Variants in CDH13 observed in about 807,000 individuals in gnomAD.
CDH13 encodes the protein cadherin 13.
A neutral mutation model predicts 63.8 loss-of-function variants in CDH13; 24 were observed. That is an observed-to-expected ratio of 0.38 (90% confidence interval 0.27 to 0.53). CDH13 has a LOEUF of 0.53. CDH13 is among the 20% of genes least tolerant of loss of function. CDH13 has a pLI of 0.85. For synonymous variants in CDH13, 503 were observed against 355.3 expected, an observed-to-expected ratio of 1.42 and a Z score of -4.67; for missense variants, 1,049 against 903.1, an observed-to-expected ratio of 1.16 and a Z score of -2.07.
At chr16:83,661,533 C>T (rs987895071) in intron 8 of CDH13, among the ~76,000 whole-genome samples, 1 of 152,120 alleles carries the variant, frequency 6.6e-6, no homozygotes, top group Non-Finnish European at 1.5e-5. Flanking sequence ...TAAGAACCAC[C>T]GTTCCACTGC....
intron 4 of CDH13, among the ~76,000 whole-genome samples, chr16:83,189,383 C>G (rs774520306): frequency 6.6e-6 from 1 of 152,218 alleles, no homozygotes; most frequent in Non-Finnish European, 1.5e-5. Context: ...ATTACCTCCT[C>G]ATGCTATTCT....
chr16:83,150,386 G>T (rs943885183), intron 4 of CDH13, among the ~76,000 whole-genome samples: 1 of 151,968 alleles, frequency 6.6e-6, no homozygotes, highest in Non-Finnish European at 1.5e-5. Context: ...TCTCTCCCTT[G>T]CTATCATTAT....
At chr16:83,690,434 T>A (rs553481151) in intron 10 of CDH13, among the ~76,000 whole-genome samples, 1 of 151,964 alleles carries the variant, frequency 6.6e-6, no homozygotes, top group East Asian at 1.9e-4. Context: ...GAGGTCCAGG[T>A]AGAGGAAGCA....
intron 6 of CDH13, among the ~76,000 whole-genome samples, chr16:83,469,693 C>T (rs1210837121): frequency 6.6e-6 from 1 of 152,134 alleles, no homozygotes; most frequent in Non-Finnish European, 1.5e-5. Flanking sequence ...GTCTGGCATC[C>T]ACAGCACTAG....
At chr16:83,621,942 G>C (rs1344585207) in intron 8 of CDH13, among the ~76,000 whole-genome samples, 1 of 152,116 alleles carries the variant, frequency 6.6e-6, no homozygotes, top group Non-Finnish European at 1.5e-5. Flanking sequence ...AAGGGTTGGA[G>C]GGCTTCTTTC....
intron 3 of CDH13, among the ~76,000 whole-genome samples, chr16:83,104,014 T>A (rs2034642516): frequency 6.6e-6 from 1 of 152,154 alleles, no homozygotes; most frequent in Non-Finnish European, 1.5e-5. Context: ...TTTTTCAGAG[T>A]TTCATTATAA....
chr16:82,717,461 C>T (rs2032456217), intron 1 of CDH13, among the ~76,000 whole-genome samples: 1 of 151,268 alleles, frequency 6.6e-6, no homozygotes, highest in Non-Finnish European at 1.5e-5. Flanking sequence ...AAAAGAGCCC[C>T]CCCACTCATC....
chr16:82,999,912 T>G (rs1247575070), intron 2 of CDH13, among the ~76,000 whole-genome samples: 1 of 152,140 alleles, frequency 6.6e-6, no homozygotes, highest in Non-Finnish European at 1.5e-5. Flanking sequence ...TGAGGGCATT[T>G]GGCAGTGTCT....
chr16:83,598,294 A>T (rs1376538022), intron 7 of CDH13, among the ~76,000 whole-genome samples: 1 of 152,116 alleles, frequency 6.6e-6, no homozygotes, highest in African/African-American at 2.4e-5. Context: ...GAGCCAGGAA[A>T]ATAGAGGCTG....
At chr16:83,092,594 TTTC>T (rs796878570) in intron 3 of CDH13, among the ~76,000 whole-genome samples, 119 of 152,354 alleles carry the variant, frequency 7.8e-4, no homozygotes, top group African/African-American at 2.8e-3. Flanking sequence ...ACTTTTTTCC[TTTC>T]TTCTTCTTTT....
chr16:82,844,708 C>T (rs1411032495), intron 1 of CDH13: 10 of 138,498 alleles, frequency 7.2e-5, no homozygotes, highest in African/African-American at 2.2e-4. Context: ...GATGCTATCT[C>T]GGCTCACTGT....
intron 1 of CDH13, among the ~76,000 whole-genome samples, chr16:82,699,526 ATGCGTGTCATAACTC>A (rs1567640464): frequency 6.6e-6 from 1 of 152,156 alleles, no homozygotes; most frequent in Non-Finnish European, 1.5e-5. Flanking sequence ...GCCACCCTTA[ATGCGTGTCATAACTC>A]TGCCTTCCAG....
In CDH13 at chr16:83,602,465, T is replaced by C. The variant is rs1907941729; in HGVS notation, c.972T>C (p.Asn324=). Residue 324 remains asparagine, a synonymous_variant, in exon 8 of 14, where the codon AAT becomes AAC. Coordinates refer to ENST00000567109, the MANE Select transcript of CDH13 (RefSeq NM_001257.5). ...CTTGTGCTTTGTAGACTCTGGAAAA[T>C]CCCAAGTATGAACTGATCATCGAGG... The part of the protein sequence containing the change: ...PALLDRETLE[N]PKYELIIEAQ... 1 of 1,613,826 alleles carries C rather than the reference T, an allele frequency of 6.2e-7. No homozygotes were observed. Among genetic ancestry groups the C allele is most frequent in the Non-Finnish European group, 8.5e-7 (1 of 1,179,874 alleles).
rs952195533 is a variant in CDH13, at chr16:82,661,190, A to G, written c.45+34053A>G. Among the ~76,000 whole-genome samples the G allele has an allele frequency of 1.3e-5, 2 of 152,134 alleles. 1 individual carries two copies. The highest frequency in any genetic ancestry group is 2.9e-5 in the Non-Finnish European group (2 of 68,022). On this transcript the variant is annotated intron_variant, in intron 1 of 13. Transcript: ENST00000567109. ...AACGGCTCATTGTTTACGCTGACCT[A>G]GTGAGGTTGGCTTCAAGCTCTCCCC...
chr16:82,984,864 A>G (rs905548221), intron 2 of CDH13, among the ~76,000 whole-genome samples: 1 of 152,120 alleles, frequency 6.6e-6, no homozygotes, highest in African/African-American at 2.4e-5. Flanking sequence ...CTCCATAACT[A>G]TTAGCTAATG....
chr16:83,128,759 C>A (rs2035918381), intron 4 of CDH13, among the ~76,000 whole-genome samples: 1 of 152,172 alleles, frequency 6.6e-6, no homozygotes, highest in African/African-American at 2.4e-5. Flanking sequence ...CATTCTTCTG[C>A]ATTGTTTTTT....
chr16:83,606,268 T>G (rs796712432), intron 8 of CDH13, among the ~76,000 whole-genome samples: 9 of 152,310 alleles, frequency 5.9e-5, no homozygotes, highest in African/African-American at 1.9e-4. Flanking sequence ...ACATGGTTTT[T>G]GGGAATATAT....
intron 1 of CDH13, among the ~76,000 whole-genome samples, chr16:82,854,754 T>C (rs978795067): frequency 2.6e-5 from 4 of 152,234 alleles, no homozygotes; most frequent in African/African-American, 9.6e-5. Context: ...ACCCCAACTT[T>C]TACATGCTCC....
At chr16:82,691,284 G>A (rs2150976631) in intron 1 of CDH13, among the ~76,000 whole-genome samples, 1 of 152,316 alleles carries the variant, frequency 6.6e-6, no homozygotes, top group South Asian at 2.1e-4. Context: ...CTCCCTATAT[G>A]CCAATGGCTG....
Sources: allele counts gnomAD v4.1 joint callset (sites outside exome capture counted in the v4.1 genomes callset), GRCh38; gene constraint gnomAD v4.1.1; transcripts MANE v1.5; gene names NCBI Gene and HGNC (gene_info 2026-07-23, HGNC 2026-07-21).